CLN3: variants seen among roughly 807,000 people sequenced by gnomAD.
CLN3 encodes battenin.
A neutral mutation model predicts 60.7 loss-of-function variants in CLN3; 49 were observed. The observed-to-expected ratio is 0.81, with a 90% CI of 0.64 to 1.02. CLN3 has a LOEUF of 1.02. CLN3 is among the 50% of genes least tolerant of loss of function. The probability of loss-of-function intolerance (pLI) is 0.00; values close to 1 mark genes in which losing one functional copy is unlikely to be tolerated. For missense variants in CLN3, 516 were observed against 557.4 expected (o/e 0.93, Z 0.75); for synonymous variants, 256 against 245.8 (o/e 1.04, Z -0.39).
chr16:28,482,221 G>C, intron 13 of CLN3, 23 bp from the exon 14 acceptor site: 1 of 1,607,468 alleles, frequency 6.2e-7, no homozygotes, highest in Non-Finnish European at 8.5e-7. Flanking sequence ...TTGGGGGGAG[G>C]AGAGGAGGCT....
chr16:28,487,253 T>G (rs2857409), intron 7 of CLN3: 2 of 643,080 alleles, frequency 3.1e-6, no homozygotes, highest in South Asian at 3.5e-5. Context: ...CTCCATCTAA[T>G]TCATCCATTT....
intron 9 of CLN3, among the ~76,000 whole-genome samples, chr16:28,485,371 A>G (rs2046190174): frequency 6.7e-6 from 1 of 149,578 alleles, no homozygotes; most frequent in Non-Finnish European, 1.5e-5. Flanking sequence ...GTTTGAGACC[A>G]GCCTGGCCAA....
At chr16:28,490,330 G>A (rs1300503069) in intron 3 of CLN3, 1 of 151,808 alleles carries the variant, frequency 6.6e-6, no homozygotes, top group African/African-American at 2.4e-5. Flanking sequence ...TGTAATCCCA[G>A]CTACTCGGGG....
At chr16:28,472,487 G>A (rs1448129320), downstream of CLN3, among the ~76,000 whole-genome samples, 2 of 152,056 alleles carry the variant, frequency 1.3e-5, no homozygotes, top group Non-Finnish European at 2.9e-5. Flanking sequence ...CTGCAAAAAA[G>A]TTAATTCAAA....
At chr16:28,472,883 C>T (rs930639097), downstream of CLN3, among the ~76,000 whole-genome samples, 9 of 151,492 alleles carry the variant, frequency 5.9e-5, no homozygotes, top group Non-Finnish European at 1.2e-4. Flanking sequence ...GTGATCTGCC[C>T]GCCTCAGCCT....
the CLN3 span, among the ~76,000 whole-genome samples, chr16:28,468,788 C>G: frequency 1.0e-5 from 1 of 95,418 alleles, no homozygotes. Context: ...GCCTGGGTGA[C>G]AGAGTGAGAC....
At chr16:28,475,912 G>C (rs530300171), downstream of CLN3, 1 of 147,330 alleles carries the variant, frequency 6.8e-6, no homozygotes, top group Non-Finnish European at 1.5e-5. Flanking sequence ...TTGAGACAGA[G>C]TCTTGCTCTG....
In CLN3 at chr16:28,488,800, T is replaced by C. The variant is rs189220945; in HGVS notation, c.223-138A>G. On this transcript the variant is annotated intron_variant, in intron 4 of 15. Coordinates refer to ENST00000636147, the MANE Select transcript of CLN3 (RefSeq NM_001042432.2). ...ACTGACTTCTCAGGACCTCAGCGTC[T>C]CTGCATGCACAATGAAGAGGGGGTT... is the stretch of plus-strand genomic sequence containing the variant. 7 of 795,728 alleles carry C rather than the reference T, an allele frequency of 8.8e-6. No individual in the cohort carries two copies. The Admixed American group carries it at 1.3e-4, about 15-fold the overall frequency. The allele number at this position is 795,728 out of a possible 1,614,324, so 49.3% of individuals were successfully genotyped here. A position where few individuals can be genotyped will look rare whatever the true frequency, so the allele number is the denominator to read the frequency against.
chr16:28,473,242 C>G (rs540126675), downstream of CLN3, among the ~76,000 whole-genome samples: 19 of 152,138 alleles, frequency 1.2e-4, no homozygotes, highest in African/African-American at 4.3e-4. Flanking sequence ...GTAGCTGGGA[C>G]TACAGGCATA....
intron 5 of CLN3, 76 bp downstream of exon 5, chr16:28,488,515 A>C: frequency 1.6e-6 from 2 of 1,247,914 alleles, no homozygotes; most frequent in Non-Finnish European, 2.4e-6. Flanking sequence ...CCAGCTGGGT[A>C]GTGAAGGGCT....
downstream of CLN3, among the ~76,000 whole-genome samples, chr16:28,472,715 C>T (rs758668179): frequency 2.0e-5 from 3 of 150,800 alleles, no homozygotes; most frequent in Non-Finnish European, 3.0e-5. Flanking sequence ...GGTGGCACAC[C>T]CTTGTAATCC....
rs201685501 is a variant in CLN3, at chr16:28,477,490, G to T, written c.*26C>A. On this transcript the variant is annotated 3_prime_UTR_variant, in exon 16 of 16. Transcript: ENST00000636147. The stretch of plus-strand genomic sequence containing the variant: ...TGTCCCTCTGCCCACAGGTGAATGT[G>T]ACCTGCGTCCTGAGGATCCCGAGTA... The T allele has an allele frequency of 2.5e-4, 396 of 1,612,146 alleles. 2 individuals carry two copies. The African/African-American group carries it at 4.5e-3, about 18-fold the overall frequency.
chr16:28,491,675 A>G (rs1388820100), intron 2 of CLN3, 39 bp downstream of exon 2: 1 of 1,614,086 alleles, frequency 6.2e-7, no homozygotes. Context: ...GCTGCGAGCC[A>G]GAGGTGGTCG....
chr16:28,481,464 A>ACG (rs1395300552), intron 14 of CLN3, among the ~76,000 whole-genome samples: 8 of 139,708 alleles, frequency 5.7e-5, no homozygotes, highest in Non-Finnish European at 1.1e-4. Context: ...GCACACACAC[A>ACG]CACACACACA....
intron 14 of CLN3, among the ~76,000 whole-genome samples, chr16:28,478,617 TAAAAAAAAAAAA>T (rs766238150): frequency 6.7e-5 from 5 of 74,352 alleles, no homozygotes; most frequent in East Asian, 6.6e-4. Context: ...TCCTGTCTCA[TAAAAAAAAAAAA>T]AAAAAAAAAA....
chr16:28,481,922 G>A (rs989214929), intron 14 of CLN3, among the ~76,000 whole-genome samples, 183 bp downstream of exon 14: 1 of 151,758 alleles, frequency 6.6e-6, no homozygotes, highest in African/African-American at 2.4e-5. Flanking sequence ...GGGAGGCAGA[G>A]GTTGCAGTAA....
chr16:28,481,466 A>G (rs1206195331), intron 14 of CLN3, among the ~76,000 whole-genome samples: 1 of 146,864 alleles, frequency 6.8e-6, no homozygotes, highest in Non-Finnish European at 1.5e-5. Flanking sequence ...ACACACACAC[A>G]CACACACACT....
chr16:28,487,536 C>G lies in CLN3; in HGVS notation c.380G>C (p.Arg127Pro), dbSNP rs780776829. Residue 127 changes from arginine (R) to proline (P), a missense_variant, in exon 7 of 16, where the codon CGG (arginine) becomes CCG (proline). Arg to Pro is a moderately radical substitution (Grantham distance 103). Transcript: ENST00000636147. The stretch of plus-strand genomic sequence containing the variant: ...AGCACAAATCCCACTGACGAGAACC[C>G]GGGGGCTGAGGGGGTGAGAAGGGAA... Reference protein sequence around the residue: ...LGLHLLPYSPRVLVSGICAAG... With the variant: ...LGLHLLPYSPPVLVSGICAAG... 1.2e-6 allele frequency: 2 copies of G among 1,613,550 alleles called. No homozygotes were observed. Among genetic ancestry groups the G allele is most frequent in the Non-Finnish European group, 1.7e-6 (2 of 1,179,810 alleles).
chr16:28,482,139 C>T lies in CLN3; in HGVS notation c.1022G>A (p.Arg341His), dbSNP rs201271341. Residue 341 changes from arginine (R) to histidine (H), a missense_variant, in exon 14 of 16, where the codon CGC becomes CAC. Transcript: ENST00000636147. ...FASRSSLRCC[R>H]IRFTWALALL... is the part of the protein sequence containing the mutation. ...GGCCAGGGCCCAGGTGAAACGGATG[C>T]GACAGCAGCGGAGAGAAGAGCGGGA... The T allele has an allele frequency of 1.2e-4, 188 of 1,613,498 alleles. 1 individual carries two copies. In the East Asian group the frequency reaches 1.3e-3, roughly 11 times the overall value.
Sources: allele counts gnomAD v4.1 joint callset (sites outside exome capture counted in the v4.1 genomes callset), GRCh38; gene constraint gnomAD v4.1.1; transcripts MANE v1.5; gene names NCBI Gene and HGNC (gene_info 2026-07-23, HGNC 2026-07-21).